Variants in FOCAD observed in about 807,000 individuals in gnomAD.
FOCAD encodes the protein focadhesin.
FOCAD carries 198 observed loss-of-function variants against 225.6 expected under a neutral mutation model. That is an observed-to-expected ratio of 0.88 (90% CI 0.78 to 0.99). The LOEUF is 0.99. FOCAD is among the 50% of genes least tolerant of loss of function. FOCAD has a pLI of 0.00. For missense variants in FOCAD, 2,713 were observed against 2,123.6 expected, an observed-to-expected ratio of 1.28 and a Z score of -5.46; for synonymous variants, 897 against 755.0, an observed-to-expected ratio of 1.19 and a Z score of -3.08.
chr9:20,823,218 T>C, intron 15 of FOCAD, 103 bp downstream of exon 15: 1 of 1,271,572 alleles, frequency 7.9e-7, no homozygotes, highest in Non-Finnish European at 1.1e-6. Flanking sequence ...GAAGTCTGAG[T>C]GTTCATTCCC....
At chr9:20,749,844 G>C (rs1215074948) in intron 5 of FOCAD, among the ~76,000 whole-genome samples, 1 of 151,968 alleles carries the variant, frequency 6.6e-6, no homozygotes, top group Non-Finnish European at 1.5e-5. Flanking sequence ...GCCTATCACA[G>C]ACTATTTTTT....
rs1474237876 is a variant in FOCAD at position 20,868,765 on chromosome 9, A to G, written c.2190+1753A>G. The stretch of plus-strand genomic sequence containing the variant: ...GATATGACCCATTCCAAAAAGTAAC[A>G]ATAGCTCACTGCAGTGGATATTCTG... On this transcript the variant is annotated intron_variant, in intron 18 of 43. Coordinates refer to ENST00000338382, the MANE Select transcript of FOCAD (RefSeq NM_001375567.1). Among the ~76,000 whole-genome samples, 4 of 152,032 alleles carry G rather than the reference A, an allele frequency of 2.6e-5. No homozygotes were observed. The East Asian group carries it at 7.7e-4, about 29-fold the overall frequency.
chr9:20,994,991 T>G (rs1027968742), intron 43 of FOCAD, among the ~76,000 whole-genome samples: 1 of 151,828 alleles, frequency 6.6e-6, no homozygotes, highest in Non-Finnish European at 1.5e-5. Flanking sequence ...TATAAAAAAT[T>G]ACTTAAAGGA....
At chr9:20,865,811 T>C in intron 16 of FOCAD, 115 bp from the exon 17 acceptor site, 1 of 649,344 alleles carries the variant, frequency 1.5e-6, no homozygotes. Flanking sequence ...TAAGTGAATT[T>C]CTGGTGGTGT....
Position 20,982,414 on chromosome 9 carries a change from G to C in FOCAD, c.4696G>C (p.Asp1566His). The C allele has an allele frequency of 6.2e-7, 1 of 1,613,896 alleles. No individual in the cohort carries two copies. The highest frequency in any genetic ancestry group is 8.5e-7 in the Non-Finnish European group (1 of 1,179,848). ...AAAATGCCTCTTAGAAATGACAGATGATGATGCCAATCGGATCGCCCAGGT... is the reference window on the plus strand; with the variant it reads ...AAAATGCCTCTTAGAAATGACAGATCATGATGCCAATCGGATCGCCCAGGT... ...IAKCLLEMTD[D>H]DANRIAQVTK... Residue 1566 changes from aspartate to histidine, a missense_variant, in exon 39 of 44, where the codon GAT becomes CAT. By Grantham distance (81) the Asp-to-His change is moderately conservative. Coordinates refer to ENST00000338382, the MANE Select transcript of FOCAD (RefSeq NM_001375567.1).
chr9:20,834,396 C>T (rs1199163900), intron 15 of FOCAD, among the ~76,000 whole-genome samples: 5 of 151,944 alleles, frequency 3.3e-5, no homozygotes, highest in African/African-American at 7.2e-5. Context: ...GCATCGCACA[C>T]GTTTACTTAC....
At chr9:20,920,800 C>G (rs190915545) in intron 24 of FOCAD, among the ~76,000 whole-genome samples, 1,709 of 148,222 alleles carry the variant, frequency 0.012, 19 homozygotes, top group Middle Eastern at 0.044. Context: ...ACATCACACT[C>G]TGGGGACTGT....
intron 15 of FOCAD, among the ~76,000 whole-genome samples, chr9:20,833,072 A>G (rs1426367776): frequency 6.6e-6 from 1 of 152,074 alleles, no homozygotes; most frequent in Non-Finnish European, 1.5e-5. Context: ...AGTTTCTTTA[A>G]GAACCTCTAT....
At chr9:20,721,662 A>C (rs1230766373) in intron 4 of FOCAD, among the ~76,000 whole-genome samples, 1 of 152,130 alleles carries the variant, frequency 6.6e-6, no homozygotes, top group Non-Finnish European at 1.5e-5. Context: ...AGATTACACC[A>C]CTGCACTCCA....
chr9:20,841,875 T>A (rs906293459), intron 15 of FOCAD, among the ~76,000 whole-genome samples: 2 of 151,922 alleles, frequency 1.3e-5, no homozygotes, highest in South Asian at 4.1e-4. Context: ...ACTTTATTGA[T>A]GTAGGTGCTT....
chr9:20,988,779 C>T (rs1226670836), intron 41 of FOCAD, among the ~76,000 whole-genome samples: 1 of 152,030 alleles, frequency 6.6e-6, no homozygotes. Flanking sequence ...AACCCAAGCT[C>T]CTGTGTAGCT....
intron 18 of FOCAD, among the ~76,000 whole-genome samples, chr9:20,869,572 A>C (rs1463096852): frequency 2.6e-5 from 4 of 152,176 alleles, no homozygotes; most frequent in Non-Finnish European, 5.9e-5. Context: ...GAAACAGTAC[A>C]TTTAAGGTAA....
chr9:20,943,736 T>C (rs1321222369), intron 28 of FOCAD, among the ~76,000 whole-genome samples: 1 of 152,214 alleles, frequency 6.6e-6, no homozygotes, highest in Non-Finnish European at 1.5e-5. Flanking sequence ...GCAGATATCA[T>C]GATGAGAGGC....
At chr9:20,817,570 G>GT (rs1345299926) in intron 11 of FOCAD, among the ~76,000 whole-genome samples, 6 of 151,244 alleles carry the variant, frequency 4.0e-5, no homozygotes, top group Non-Finnish European at 8.8e-5. Flanking sequence ...ATTGTATTTT[G>GT]TTTATTTATT....
upstream of FOCAD, among the ~76,000 whole-genome samples, chr9:20,657,075 T>G (rs547561466): frequency 2.0e-5 from 3 of 152,302 alleles, no homozygotes; most frequent in South Asian, 6.2e-4. Context: ...GGGTTGAAAA[T>G]TCTTTCCTTT....
chr9:20,771,189 C>CA (rs747003703), intron 8 of FOCAD, among the ~76,000 whole-genome samples: 4 of 152,082 alleles, frequency 2.6e-5, no homozygotes, highest in Non-Finnish European at 5.9e-5. Context: ...TTGGCTTATT[C>CA]AAAAAAACAA....
intron 4 of FOCAD, among the ~76,000 whole-genome samples, chr9:20,727,073 G>A (rs1277662750): frequency 6.6e-6 from 1 of 152,116 alleles, no homozygotes; most frequent in Non-Finnish European, 1.5e-5. Context: ...TTTTAGTAGA[G>A]AGTGACAGAG....
intron 23 of FOCAD, 137 bp downstream of exon 23, chr9:20,913,091 T>C (rs1214150747): frequency 4.8e-6 from 3 of 629,432 alleles, no homozygotes; most frequent in Non-Finnish European, 8.3e-6. Context: ...ACAGAAGAGC[T>C]GATAGGTGTA....
At chr9:20,869,004 TCC>T (rs986929821) in intron 18 of FOCAD, among the ~76,000 whole-genome samples, 2 of 152,196 alleles carry the variant, frequency 1.3e-5, no homozygotes, top group African/African-American at 4.8e-5. Flanking sequence ...TGTGTTCATA[TCC>T]CAAACAAGTT....
Sources: gnomAD v4.1 joint callset for allele counts (sites outside exome capture counted in the v4.1 genomes callset) on GRCh38, gnomAD v4.1.1 for gene constraint, MANE v1.5 for transcripts, NCBI Gene and HGNC (gene_info 2026-07-23, HGNC 2026-07-21) for gene names.